The following DLGAP1 variants were observed in gnomAD, a reference collection of about 807,000 sequenced individuals.
DLGAP1 encodes the protein DLG associated protein 1, also known as disks large-associated protein 1.
A neutral mutation model predicts 90.8 loss-of-function variants in DLGAP1; 11 were observed. The ratio of observed to expected loss-of-function variants is 0.12; its 90% CI spans 0.08 to 0.20. The LOEUF (loss-of-function observed/expected upper bound fraction) is 0.20. Among genes scored for constraint, DLGAP1 ranks in the 10% least tolerant of loss-of-function variants. The pLI, the probability that DLGAP1 is intolerant of heterozygous loss-of-function variation, is 1.00. For missense variants in DLGAP1, 1,050 were observed against 1,333.8 expected, an observed-to-expected ratio of 0.79 and a Z score of 3.31; for synonymous variants, 558 against 540.7, an observed-to-expected ratio of 1.03 and a Z score of -0.44.
chr18:4,429,666 G>A (rs2083238710), intron 1 of DLGAP1, among the ~76,000 whole-genome samples: 1 of 152,116 alleles, frequency 6.6e-6, no homozygotes, highest in African/African-American at 2.4e-5. Context: ...CAAAACAGCT[G>A]CTCATGATCT....
intron 3 of DLGAP1, among the ~76,000 whole-genome samples, chr18:3,996,685 T>TA (rs2074078388): frequency 6.6e-6 from 1 of 152,016 alleles, no homozygotes; most frequent in Admixed American, 6.6e-5. Context: ...AAAAGGCTAA[T>TA]AGTATAGAAA....
chr18:4,126,185 C>T (rs1415233222), intron 2 of DLGAP1, among the ~76,000 whole-genome samples: 1 of 152,128 alleles, frequency 6.6e-6, no homozygotes, highest in Non-Finnish European at 1.5e-5. Flanking sequence ...GTAGGGGGAT[C>T]ACATTAAAAA....
chr18:4,321,854 G>T (rs1290596830), intron 1 of DLGAP1, among the ~76,000 whole-genome samples: 1 of 152,132 alleles, frequency 6.6e-6, no homozygotes, highest in Non-Finnish European at 1.5e-5. Flanking sequence ...GCCAGATGTT[G>T]TCTCAAGCAA....
chr18:4,218,396 T>C (rs1422852278), intron 1 of DLGAP1, among the ~76,000 whole-genome samples: 1 of 152,040 alleles, frequency 6.6e-6, no homozygotes, highest in Non-Finnish European at 1.5e-5. Context: ...GATATATATT[T>C]ACAATGTAGA....
chr18:3,848,190 T>C (rs558906403), intron 4 of DLGAP1, among the ~76,000 whole-genome samples: 1 of 128,986 alleles, frequency 7.8e-6, no homozygotes, highest in South Asian at 2.6e-4. Context: ...AAAGACTTTT[T>C]AAAAGAGATG....
intron 1 of DLGAP1, among the ~76,000 whole-genome samples, chr18:4,355,206 C>A (rs1481268916): frequency 6.6e-6 from 1 of 152,136 alleles, no homozygotes; most frequent in Non-Finnish European, 1.5e-5. Context: ...CTCATAATAG[C>A]CAAAAACTGG....
chr18:4,444,185 A>G (rs181878674), intron 1 of DLGAP1, among the ~76,000 whole-genome samples: 117 of 152,020 alleles, frequency 7.7e-4, no homozygotes, highest in African/African-American at 2.8e-3. Context: ...GCTCCTCTTT[A>G]AGGATCAGGG....
intron 1 of DLGAP1, among the ~76,000 whole-genome samples, chr18:4,202,808 T>C (rs541359862): frequency 6.6e-6 from 1 of 152,358 alleles, no homozygotes; most frequent in South Asian, 2.1e-4. Flanking sequence ...AATAAGATTT[T>C]ACCACTTCTG....
intron 9 of DLGAP1, among the ~76,000 whole-genome samples, chr18:3,551,642 T>TTC (rs1240872645): frequency 2.2e-4 from 6 of 27,414 alleles, no homozygotes; most frequent in South Asian, 1.3e-3. Context: ...TTTCCTTCCT[T>TTC]TCTCTCTCTC....
intron 1 of DLGAP1, among the ~76,000 whole-genome samples, chr18:4,451,760 G>A (rs948471956): frequency 6.6e-6 from 1 of 152,176 alleles, no homozygotes; most frequent in Non-Finnish European, 1.5e-5. Flanking sequence ...GATATGGGAT[G>A]TTTTTGAACA....
At chr18:4,099,311 CT>C (rs769399616) in intron 2 of DLGAP1, among the ~76,000 whole-genome samples, 4 of 131,888 alleles carry the variant, frequency 3.0e-5, no homozygotes, top group East Asian at 2.3e-4. Context: ...ATCTATCTAT[CT>C]ATCTATCTAT....
chr18:3,741,281 TCAC>T (rs577827342), intron 6 of DLGAP1, among the ~76,000 whole-genome samples: 1,302 of 47,606 alleles, frequency 0.027, 26 homozygotes, highest in East Asian at 0.075. Flanking sequence ...CACATCACCA[TCAC>T]CACCACCACC....
Position 3,879,757 on chromosome 18 carries a change from C to T in DLGAP1, c.312G>A (p.Leu104=), listed in dbSNP as rs1231931374. 3 of 1,608,486 alleles carry T rather than the reference C, an allele frequency of 1.9e-6. No individual in the cohort carries two copies. Among genetic ancestry groups the T allele is most frequent in the Non-Finnish European group, 2.5e-6 (3 of 1,179,918 alleles). The part of the protein sequence containing the change: ...TKANRIPANL[L]DQFERQLPLS... The stretch of plus-strand genomic sequence containing the variant: ...GTGGCAGCTGCCGCTCGAACTGGTC[C>T]AGCAGGTTGGCGGGGATGCGGTTCG... Residue 104 remains leucine, a synonymous_variant, in exon 4 of 13, where the codon CTG becomes CTA. Transcript: ENST00000315677. The surrounding 1 kb of genome is among the most constrained non-coding windows in gnomAD (Gnocchi z 6.6).
chr18:4,064,447 C>T (rs529619338), intron 2 of DLGAP1, among the ~76,000 whole-genome samples: 93 of 151,502 alleles, frequency 6.1e-4, no homozygotes, highest in African/African-American at 2.0e-3. Context: ...AGACTGCTAG[C>T]GAGACCAACA....
At chr18:4,376,407 C>T (rs2082015453) in intron 1 of DLGAP1, among the ~76,000 whole-genome samples, 1 of 152,084 alleles carries the variant, frequency 6.6e-6, no homozygotes. Flanking sequence ...GTTCTTCCTC[C>T]CTTTGCTTTA....
At chr18:3,521,003 C>T (rs887434438) in intron 10 of DLGAP1, among the ~76,000 whole-genome samples, 4 of 152,172 alleles carry the variant, frequency 2.6e-5, no homozygotes, top group African/African-American at 9.7e-5. Flanking sequence ...TAGAATTTCT[C>T]TCACTCCACC....
At chr18:3,682,713 G>A (rs981486491) in intron 7 of DLGAP1, among the ~76,000 whole-genome samples, 1 of 152,194 alleles carries the variant, frequency 6.6e-6, no homozygotes, top group Admixed American at 6.5e-5. Context: ...GTAGCCCTCT[G>A]AGGACTGGTG....
intron 1 of DLGAP1, among the ~76,000 whole-genome samples, chr18:4,268,656 G>T (rs775208734): frequency 2.0e-5 from 3 of 152,046 alleles, no homozygotes; most frequent in Non-Finnish European, 2.9e-5. Flanking sequence ...GAATTGTTAG[G>T]TTTCTATAAG....
intron 7 of DLGAP1, among the ~76,000 whole-genome samples, chr18:3,633,600 C>T (rs1485056712): frequency 6.6e-6 from 1 of 152,142 alleles, no homozygotes; most frequent in African/African-American, 2.4e-5. Flanking sequence ...AAACACTATT[C>T]TGTAACTGTA....
Sources: allele counts gnomAD v4.1 joint callset (sites outside exome capture counted in the v4.1 genomes callset), GRCh38; gene constraint gnomAD v4.1.1; non-coding constraint Gnocchi (gnomAD v3.1); transcripts MANE v1.5; gene names NCBI Gene and HGNC (gene_info 2026-07-23, HGNC 2026-07-21).